Variants in MTARC2 observed in about 807,000 individuals in gnomAD.
The protein encoded by MTARC2 is MOCO sulphurase C-terminal domain containing 2.
MTARC2 carries 27 observed loss-of-function variants against 35.6 expected under a neutral mutation model. The ratio of observed to expected loss-of-function variants is 0.76; its 90% CI spans 0.56 to 1.04. The LOEUF (loss-of-function observed/expected upper bound fraction) is 1.04, where lower values mean the gene tolerates loss of function less well. Ranked by LOEUF, MTARC2 falls within the 50% of genes least tolerant of loss-of-function variation. The pLI, the probability that MTARC2 is intolerant of heterozygous loss-of-function variation, is 0.00. For missense variants in MTARC2, 412 were observed against 432.5 expected (o/e 0.95, Z 0.42); for synonymous variants, 158 against 167.1 (o/e 0.95, Z 0.42).
chr1:220,771,198 C>T (rs1451184617), intron 4 of MTARC2, among the ~76,000 whole-genome samples: 1 of 147,304 alleles, frequency 6.8e-6, no homozygotes, highest in East Asian at 2.1e-4. Context: ...ACTTGGGAGG[C>T]TGAGGCAGGA....
chr1:220,770,563 C>G, intron 4 of MTARC2: 1 of 985,334 alleles, frequency 1.0e-6, no homozygotes, highest in Non-Finnish European at 1.2e-6. Context: ...GGAGGTAAGG[C>G]AGGATTGATC....
chr1:220,749,163 C>T (rs1671065686), intron 1 of MTARC2, among the ~76,000 whole-genome samples: 1 of 152,116 alleles, frequency 6.6e-6, no homozygotes, highest in African/African-American at 2.4e-5. Context: ...AGAAAGAAAC[C>T]AAGTGTTGTT....
At chr1:220,753,622 G>A (rs529729240) in intron 1 of MTARC2, among the ~76,000 whole-genome samples, 6 of 152,292 alleles carry the variant, frequency 3.9e-5, no homozygotes, top group South Asian at 4.1e-4. Flanking sequence ...GGGAGGAGCC[G>A]CCCCTGCTTC....
intron 1 of MTARC2, among the ~76,000 whole-genome samples, chr1:220,754,604 C>A (rs914967377): frequency 6.6e-6 from 1 of 152,144 alleles, no homozygotes; most frequent in Non-Finnish European, 1.5e-5. Context: ...AACAGACCTG[C>A]AGAAGCTTCT....
At chr1:220,780,687 T>C (rs1672047543) in intron 6 of MTARC2, among the ~76,000 whole-genome samples, 1 of 152,106 alleles carries the variant, frequency 6.6e-6, no homozygotes, top group Non-Finnish European at 1.5e-5. Flanking sequence ...CTTGCCTCAG[T>C]GATTCGCCTG....
chr1:220,761,565 C>A, intron 2 of MTARC2, 93 bp from the exon 3 acceptor site: 1 of 1,266,684 alleles, frequency 7.9e-7, no homozygotes, highest in Non-Finnish European at 1.1e-6. Flanking sequence ...CTGGGATGGT[C>A]AGGTCCCAAC....
At chr1:220,773,450 C>A (rs1671801642) in intron 4 of MTARC2, among the ~76,000 whole-genome samples, 2 of 151,776 alleles carry the variant, frequency 1.3e-5, no homozygotes, top group African/African-American at 4.8e-5. Context: ...ACAGTAAAGC[C>A]TTTTTTGAGT....
At chr1:220,761,981 G>A (rs1301867489) in intron 3 of MTARC2, among the ~76,000 whole-genome samples, 161 bp downstream of exon 3, 1 of 152,126 alleles carries the variant, frequency 6.6e-6, no homozygotes, top group Admixed American at 6.5e-5. Context: ...GAGGTACCAG[G>A]GGATGGAAAA....
intron 4 of MTARC2, among the ~76,000 whole-genome samples, chr1:220,775,859 G>A (rs1671891250): frequency 1.3e-5 from 2 of 152,168 alleles, no homozygotes; most frequent in Admixed American, 1.3e-4. Flanking sequence ...GACATAATCT[G>A]TGTTTTTTTA....
At position 220,748,381 on chromosome 1, in the gene MTARC2, T is replaced by G. The variant is rs1671033285; in HGVS notation, c.-151T>G. ...ATTCCCGCTCTCCGCGGAACTGCTCTGCCGTCTCGGCGGTGAAAGTGTGAG... is the reference window on the plus strand; with the variant it reads ...ATTCCCGCTCTCCGCGGAACTGCTCGGCCGTCTCGGCGGTGAAAGTGTGAG... On this transcript the variant is annotated 5_prime_UTR_variant, in exon 1 of 8. Transcript: ENST00000366913. 1.3e-6 allele frequency: 1 copy of G among 770,414 alleles called. No homozygotes were observed. The highest frequency in any genetic ancestry group is 4.4e-5 in the Admixed American group (1 of 22,614). The allele number at this position is 770,414 out of a possible 1,614,324, so 47.7% of individuals were successfully genotyped here.
At chr1:220,759,578 C>A (rs3820350) in intron 2 of MTARC2, among the ~76,000 whole-genome samples, 2 of 152,004 alleles carry the variant, frequency 1.3e-5, no homozygotes, top group Non-Finnish European at 2.9e-5. Flanking sequence ...TAAGCTTTCC[C>A]GGGTGGGTGG....
chr1:220,756,559 G>C (rs570249103), intron 2 of MTARC2: 1 of 152,190 alleles, frequency 6.6e-6, no homozygotes, highest in Non-Finnish European at 1.5e-5. Flanking sequence ...TGCCTTTAAC[G>C]TGTTTGTGTA....
intron 1 of MTARC2, among the ~76,000 whole-genome samples, chr1:220,753,827 G>C (rs1054238734): frequency 5.9e-5 from 9 of 152,168 alleles, no homozygotes; most frequent in Non-Finnish European, 8.8e-5. Context: ...GAGGCGGCAG[G>C]TCACTTGAGG....
At chr1:220,761,945 G>A (rs1224568145) in intron 3 of MTARC2, 125 bp downstream of exon 3, 9 of 931,080 alleles carry the variant, frequency 9.7e-6, no homozygotes, top group African/African-American at 1.7e-5. Context: ...GCCCTGGTGA[G>A]TGATAATGAG....
intron 4 of MTARC2, chr1:220,770,357 A>C: frequency 1.0e-6 from 1 of 984,248 alleles, no homozygotes; most frequent in Non-Finnish European, 1.2e-6. Flanking sequence ...GGTCTCATCC[A>C]CTTCTAAATA....
chr1:220,777,464 C>T (rs1040002251), intron 4 of MTARC2, among the ~76,000 whole-genome samples: 1 of 152,180 alleles, frequency 6.6e-6, no homozygotes, highest in Non-Finnish European at 1.5e-5. Flanking sequence ...TGCTCTGCCT[C>T]CTGCAGAGAC....
intron 4 of MTARC2, among the ~76,000 whole-genome samples, chr1:220,769,368 G>T (rs1055270920): frequency 6.6e-6 from 1 of 152,208 alleles, no homozygotes; most frequent in Non-Finnish European, 1.5e-5. Flanking sequence ...ATTAACAGGA[G>T]ACCTGCAGTG....
intron 4 of MTARC2, among the ~76,000 whole-genome samples, chr1:220,767,935 A>C (rs1356367907): frequency 6.6e-6 from 1 of 152,198 alleles, no homozygotes; most frequent in African/African-American, 2.4e-5. Flanking sequence ...TTCAGTCCCC[A>C]GAAACTGAGT....
chr1:220,780,052 A>G lies in MTARC2; in HGVS notation c.785A>G (p.Glu262Gly), dbSNP rs147539004. ...GATGAACTCCTAATTGGTAGTGTAG[A>G]AGTGAAAAAGGTAATGGCATGCCCC... Reference protein sequence around the residue: ...TWDELLIGSVEVKKVMACPRC... With the variant: ...TWDELLIGSVGVKKVMACPRC... The change falls in exon 5 of 8, where the codon GAA (glutamate) becomes GGA (glycine). Residue 262 changes from glutamate to glycine, a missense_variant. By Grantham distance (98) the Glu-to-Gly change is moderately conservative. Transcript: ENST00000366913. 75 of 1,547,870 alleles carry G rather than the reference A, an allele frequency of 4.8e-5. No homozygotes were observed. The African/African-American group carries it at 9.9e-4, about 20-fold the overall frequency.
Sources: allele counts gnomAD v4.1 joint callset (sites outside exome capture counted in the v4.1 genomes callset), GRCh38; gene constraint gnomAD v4.1.1; transcripts MANE v1.5; gene names NCBI Gene and HGNC (gene_info 2026-07-23, HGNC 2026-07-21).